Variants in MTA3 observed in about 807,000 individuals in gnomAD.
The protein encoded by MTA3 is metastasis associated 1 family member 3.
Under a neutral mutation model 83.5 loss-of-function variants are expected in MTA3, and 34 were observed. The ratio of observed to expected loss-of-function variants is 0.41; its 90% CI spans 0.31 to 0.54. MTA3 has a LOEUF of 0.54. Among genes scored for constraint, MTA3 ranks in the 20% least tolerant of loss-of-function variants. The pLI, the probability that MTA3 is intolerant of heterozygous loss-of-function variation, is 0.33. For synonymous variants in MTA3, 303 were observed against 252.7 expected, an observed-to-expected ratio of 1.20 and a Z score of -1.89; for missense variants, 761 against 726.4, an observed-to-expected ratio of 1.05 and a Z score of -0.55.
At chr2:42,603,426 T>C (rs1682828902) in intron 3 of MTA3, among the ~76,000 whole-genome samples, 1 of 152,180 alleles carries the variant, frequency 6.6e-6, no homozygotes, top group South Asian at 2.1e-4. Context: ...TGAGACTATA[T>C]AAAATTCCAT....
chr2:42,510,705 T>C (rs1044812314), intron 2 of MTA3, among the ~76,000 whole-genome samples: 8 of 152,198 alleles, frequency 5.3e-5, no homozygotes, highest in African/African-American at 1.9e-4. Context: ...ACATCCCTGA[T>C]ATCCAACTGT....
chr2:42,752,081 G>C (rs980769322), intron 16 of MTA3, among the ~76,000 whole-genome samples: 4 of 152,214 alleles, frequency 2.6e-5, no homozygotes, highest in Non-Finnish European at 4.4e-5. Flanking sequence ...TTCTGCTGAA[G>C]GTTAAATAAG....
chr2:42,648,256 C>G (rs1471230136), intron 6 of MTA3, among the ~76,000 whole-genome samples: 1 of 152,206 alleles, frequency 6.6e-6, no homozygotes, highest in Non-Finnish European at 1.5e-5. Context: ...CAGAAACTCC[C>G]ATATGTAGCT....
At chr2:42,742,407 A>C (rs1573827005) in intron 16 of MTA3, among the ~76,000 whole-genome samples, 1 of 152,114 alleles carries the variant, frequency 6.6e-6, no homozygotes, top group Admixed American at 6.6e-5. Context: ...CCAAAGTGCT[A>C]GGTTTACAGG....
At chr2:42,642,644 GTTTTT>G (rs1198386196) in intron 5 of MTA3, among the ~76,000 whole-genome samples, 1 of 135,752 alleles carries the variant, frequency 7.4e-6, no homozygotes. Flanking sequence ...TGTTAAGTTG[GTTTTT>G]TTTTTTTTTT....
At chr2:42,534,724 T>C (rs1378836255) in intron 2 of MTA3, among the ~76,000 whole-genome samples, 5 of 152,240 alleles carry the variant, frequency 3.3e-5, no homozygotes, top group African/African-American at 1.2e-4. Flanking sequence ...AACTTCTGTC[T>C]TGTTTATTCT....
rs1670149463 is a variant in MTA3, at chr2:42,755,053, GA to G, written c.*1655del. The G allele has an allele frequency of 6.1e-6, 6 of 985,638 alleles. No individual in the cohort carries two copies. The highest frequency in any genetic ancestry group is 7.2e-6 in the Non-Finnish European group (6 of 830,100). 61.1% of individuals were successfully genotyped at this position (985,638 alleles called of 1,614,324 possible). On this transcript the variant is annotated 3_prime_UTR_variant, in exon 17 of 17. Transcript: ENST00000405094. ...GGCCTGTGTCAGAAGCATTTGGTGA[GA>G]GGGGTGGAGGTGGCAGGCAGGGGTT...
intron 4 of MTA3, among the ~76,000 whole-genome samples, chr2:42,624,281 A>G (rs1278689889): frequency 4.0e-5 from 6 of 151,814 alleles, no homozygotes; most frequent in Admixed American, 3.9e-4. Flanking sequence ...ATTAATTTTC[A>G]TTTTGTATCT....
chr2:42,497,582 C>T (rs1674203474), intron 2 of MTA3, among the ~76,000 whole-genome samples: 2 of 148,730 alleles, frequency 1.3e-5, no homozygotes, highest in African/African-American at 5.0e-5. Context: ...GAGACTCCAT[C>T]TCAAAAAAAA....
intron 2 of MTA3, among the ~76,000 whole-genome samples, chr2:42,536,316 A>T (rs1227556886): frequency 6.6e-6 from 1 of 151,884 alleles, no homozygotes; most frequent in Non-Finnish European, 1.5e-5. Flanking sequence ...TCTAATAAGA[A>T]TACAAAAAAT....
intron 14 of MTA3, among the ~76,000 whole-genome samples, chr2:42,710,571 AAAAG>A (rs1340503838): frequency 8.9e-4 from 134 of 150,842 alleles, no homozygotes; most frequent in African/African-American, 2.9e-3. Flanking sequence ...AAAAAAAAAA[AAAAG>A]AAAGTGGTAG....
intron 16 of MTA3, among the ~76,000 whole-genome samples, chr2:42,725,331 A>G (rs559611323): frequency 7.9e-5 from 12 of 152,360 alleles, no homozygotes; most frequent in Admixed American, 4.6e-4. Context: ...AGATGAATTG[A>G]GATTCCCACT....
intron 2 of MTA3, among the ~76,000 whole-genome samples, chr2:42,536,858 C>CAAA (rs71410118): frequency 0.063 from 5,317 of 84,154 alleles, 303 homozygotes; most frequent in Non-Finnish European, 0.09. Context: ...GACCCCATCT[C>CAAA]AAAAAAAAAA....
chr2:42,654,402 G>C (rs904768357), intron 6 of MTA3, among the ~76,000 whole-genome samples: 6 of 152,172 alleles, frequency 3.9e-5, no homozygotes, highest in African/African-American at 1.4e-4. Context: ...TACAGATGCA[G>C]TGATCAAAAG....
At chr2:42,646,316 A>G (rs1243603552) in intron 6 of MTA3, among the ~76,000 whole-genome samples, 3 of 152,250 alleles carry the variant, frequency 2.0e-5, no homozygotes, top group African/African-American at 7.2e-5. Context: ...TCTGGAGTCT[A>G]TGGATCAAGG....
intron 4 of MTA3, among the ~76,000 whole-genome samples, chr2:42,627,816 G>GA (rs1019199679): frequency 1.4e-5 from 2 of 141,158 alleles, no homozygotes; most frequent in African/African-American, 5.3e-5. Flanking sequence ...GACCTCTAAT[G>GA]ATCTGCCCAC....
chr2:42,588,835 C>T (rs564093085), intron 3 of MTA3, among the ~76,000 whole-genome samples: 1 of 151,772 alleles, frequency 6.6e-6, no homozygotes, highest in Non-Finnish European at 1.5e-5. Context: ...ATAAAATTTT[C>T]AACAGGTTTA....
chr2:42,580,424 T>G (rs1679491404), intron 3 of MTA3, among the ~76,000 whole-genome samples: 1 of 152,026 alleles, frequency 6.6e-6, no homozygotes, highest in Non-Finnish European at 1.5e-5. Context: ...CAGACTGGAG[T>G]GCAGTGGTGC....
intron 3 of MTA3, among the ~76,000 whole-genome samples, chr2:42,584,095 T>A (rs1043381199): frequency 6.6e-6 from 1 of 150,722 alleles, no homozygotes; most frequent in Non-Finnish European, 1.5e-5. Flanking sequence ...CGCCCACCTC[T>A]GCCTCCCAAA....
Sources: allele counts gnomAD v4.1 joint callset (sites outside exome capture counted in the v4.1 genomes callset), GRCh38; gene constraint gnomAD v4.1.1; transcripts MANE v1.5; gene names NCBI Gene and HGNC (gene_info 2026-07-23, HGNC 2026-07-21).